Variants in SPTB observed in about 807,000 individuals in gnomAD.
SPTB encodes the protein spectrin beta, erythrocytic.
SPTB carries 45 observed loss-of-function variants against 256.2 expected under a neutral mutation model. The observed-to-expected ratio is 0.18, with a 90% confidence interval of 0.14 to 0.23. The LOEUF (loss-of-function observed/expected upper bound fraction) is 0.23. SPTB is among the 10% of genes least tolerant of loss of function. The pLI is 1.00. For missense variants in SPTB, 2,715 were observed against 3,040.4 expected (o/e 0.89, Z 2.52); for synonymous variants, 1,231 against 1,243.1 (o/e 0.99, Z 0.21).
In SPTB at chr14:64,801,415, G is replaced by A. The variant is rs767929458; in HGVS notation, c.648-15C>T. On this transcript the variant is annotated splice_polypyrimidine_tract_variant and intron_variant, in intron 6 of 35. Coordinates refer to ENST00000644917, the MANE Select transcript of SPTB (RefSeq NM_001355436.2). ...TCAGGTCGGGCCTGGGGACAAAACT[G>A]GACTGTGAAAAGGGAGTAGCCACAG... The A allele has an allele frequency of 4.4e-6, 7 of 1,600,178 alleles. No homozygotes were observed. Among genetic ancestry groups the A allele is most frequent in the South Asian group, 3.3e-5 (3 of 90,768 alleles).
Position 64,852,517 on chromosome 14 carries a change from G to A in SPTB, c.-52+27275C>T, listed in dbSNP as rs910171623. Among the ~76,000 whole-genome samples, 1 of 152,178 alleles carries A rather than the reference G, an allele frequency of 6.6e-6. No homozygotes were observed. The highest frequency in any genetic ancestry group is 1.5e-5 in the Non-Finnish European group (1 of 68,030). ...GGGGAAGGGACAAGATTACAGGCAG[G>A]GAACTGATTAGGATGTCACTGCAGT... On this transcript the variant is annotated intron_variant, in intron 1 of 35. Transcript: ENST00000644917. The surrounding 1 kb of genome is among the most constrained non-coding windows in gnomAD (Gnocchi z 4.2).
chr14:64,847,500 A>G lies in SPTB; in HGVS notation c.-51-24355T>C, dbSNP rs1168549990. Among the ~76,000 whole-genome samples the G allele has an allele frequency of 2.6e-5, 4 of 151,724 alleles. No individual in the cohort carries two copies. Among genetic ancestry groups the G allele is most frequent in the Non-Finnish European group, 4.4e-5 (3 of 67,892 alleles). ...TTATCTATCCTTCAGGTACCTTCCC[A>G]GGTTGGTGCTAGCTCCTTTCAAGCT... On this transcript the variant is annotated intron_variant, in intron 1 of 35. Coordinates refer to ENST00000644917, the MANE Select transcript of SPTB (RefSeq NM_001355436.2). The surrounding 1 kb of genome is among the most constrained non-coding windows in gnomAD (Gnocchi z 5.9).
At position 64,866,895 on chromosome 14, in the gene SPTB, A is replaced by C. The variant is rs988215305; in HGVS notation, c.-52+12897T>G. On this transcript the variant is annotated intron_variant, in intron 1 of 35. Coordinates refer to ENST00000644917, the MANE Select transcript of SPTB (RefSeq NM_001355436.2). The surrounding 1 kb of genome is among the most constrained non-coding windows in gnomAD (Gnocchi z 4.6). ...TTTTTTTTCTGAAGTGCTTTTCTTA[A>C]CTCTTTATTGTTATGAAACAAATCT... is the stretch of plus-strand genomic sequence containing the variant. Among the ~76,000 whole-genome samples the C allele has an allele frequency of 1.1e-4, 16 of 152,134 alleles. No homozygotes were observed. The highest frequency in any genetic ancestry group is 3.4e-4 in the African/African-American group (14 of 41,502).
In SPTB at chr14:64,847,391, C is replaced by T. The variant is rs77748838; in HGVS notation, c.-51-24246G>A. Among the ~76,000 whole-genome samples, 1,502 of 152,254 alleles carry T rather than the reference C, an allele frequency of 9.9e-3. 33 individuals carry two copies. The highest frequency in any genetic ancestry group is 0.035 in the African/African-American group (1,439 of 41,518). On this transcript the variant is annotated intron_variant, in intron 1 of 35. Transcript: ENST00000644917. This position sits in a 1 kb window ranked among gnomAD's most constrained non-coding sequence, Gnocchi z 5.9. ...ATCATGTCTCAGGCTAAGAGGACCC[C>T]GATGTGGGCATCTAGGGGAGAATTT... is the stretch of plus-strand genomic sequence containing the variant.
Position 64,761,394 on chromosome 14 carries a change from A to G in SPTB, c.6345+5332T>C, listed in dbSNP as rs1353767478. Among the ~76,000 whole-genome samples, 6 of 152,236 alleles carry G rather than the reference A, an allele frequency of 3.9e-5. No homozygotes were observed. In the East Asian group the frequency reaches 7.7e-4, roughly 20 times the overall value. On this transcript the variant is annotated intron_variant, in intron 32 of 35. Coordinates refer to ENST00000644917, the MANE Select transcript of SPTB (RefSeq NM_001355436.2). ...AGAAGCTGTTGCTGAACAGGGGGAA[A>G]GAGCCAGGGCGGGGAGCTGAGGCTG...
intron 2 of SPTB, among the ~76,000 whole-genome samples, chr14:64,815,900 T>G (rs1380861117): frequency 6.6e-6 from 1 of 151,920 alleles, no homozygotes; most frequent in African/African-American, 2.4e-5. Flanking sequence ...AGCAGAAGAG[T>G]GACTTGATCG....
Position 64,801,840 on chromosome 14 carries a change from TC to T in SPTB, c.567-7del. On this transcript the variant is annotated splice_polypyrimidine_tract_variant and splice_region_variant and intron_variant, in intron 5 of 35. Transcript: ENST00000644917. Reference sequence around the variant, plus strand: ...TGACATTAACATGAGGGTAGCTGCATCCAAGAGAAACAGTAAGAGCTAAGAA... The same window carrying T: ...TGACATTAACATGAGGGTAGCTGCATCAAGAGAAACAGTAAGAGCTAAGAA... 1 of 1,613,804 alleles carries T rather than the reference TC, an allele frequency of 6.2e-7. No homozygotes were observed. The highest frequency in any genetic ancestry group is 8.5e-7 in the Non-Finnish European group (1 of 1,179,728).
intron 10 of SPTB, among the ~76,000 whole-genome samples, chr14:64,797,012 T>C (rs536176482): frequency 6.6e-6 from 1 of 152,326 alleles, no homozygotes; most frequent in South Asian, 2.1e-4. Context: ...TAAGTTCTTA[T>C]TGACTAATGG....
intron 2 of SPTB, among the ~76,000 whole-genome samples, chr14:64,822,238 G>A (rs1228096114): frequency 1.4e-5 from 2 of 144,374 alleles, no homozygotes; most frequent in African/African-American, 5.5e-5. Context: ...GTTCAGGGAG[G>A]CAATAGTCAC....
rs2082047519 is a variant in SPTB at position 64,758,459 on chromosome 14, G to C, written c.6346-4666C>G. 6.6e-6 allele frequency among the ~76,000 whole-genome samples: 1 copy of C among 152,370 alleles called. No homozygotes were observed. The highest frequency in any genetic ancestry group is 1.5e-5 in the Non-Finnish European group (1 of 68,032). On this transcript the variant is annotated intron_variant, in intron 32 of 35. Transcript: ENST00000644917. The surrounding 1 kb of genome is among the most constrained non-coding windows in gnomAD (Gnocchi z 4.6). The stretch of plus-strand genomic sequence containing the variant: ...AAGTGGCCTGAGGCCCTGCCTCAAG[G>C]CTTGGAGTGGGGCACTGAGGTGGAG...
chr14:64,793,624 T>C lies in SPTB; in HGVS notation c.2039A>G (p.Lys680Arg). The C allele has an allele frequency of 4.3e-6, 7 of 1,614,180 alleles. No individual in the cohort carries two copies. The highest frequency in any genetic ancestry group is 5.1e-6 in the Non-Finnish European group (6 of 1,180,054). Residue 680 changes from lysine to arginine, a missense_variant, in exon 14 of 36, where the codon AAG becomes AGG. By Grantham distance (26) the Lys-to-Arg change is conservative. This residue lies in a region of SPTB where 2,239 missense variants were observed against 2,384.4 expected (regional missense o/e 0.94). Coordinates refer to ENST00000644917, the MANE Select transcript of SPTB (RefSeq NM_001355436.2). The surrounding 1 kb of genome is among the most constrained non-coding windows in gnomAD (Gnocchi z 7.0). ...TSVLILQRKH[K>R]AFEDELRGLD... ...CCCACGGAGCTCATCCTCAAAGGCC[T>C]TGTGCTTGCGCTGTAAGATGAGCAC...
Position 64,784,396 on chromosome 14 carries a change from G to A in SPTB, c.3856-3C>T, listed in dbSNP as rs1478620961. On this transcript the variant is annotated splice_region_variant and splice_polypyrimidine_tract_variant and intron_variant, in intron 18 of 35. Coordinates refer to ENST00000644917, the MANE Select transcript of SPTB (RefSeq NM_001355436.2). ...TTGTCGTTGATCCAGAGAGTGAGCT[G>A]TGTGCATAAAGAGTGGGCTGACTAT... The A allele has an allele frequency of 1.9e-6, 3 of 1,614,150 alleles. No individual in the cohort carries two copies. The highest frequency in any genetic ancestry group is 1.7e-6 in the Non-Finnish European group (2 of 1,180,038).
In SPTB at chr14:64,795,315, G is replaced by A. The variant is rs1195040945; in HGVS notation, c.1644+22C>T. The A allele has an allele frequency of 3.7e-6, 6 of 1,601,898 alleles. No individual in the cohort carries two copies. Among genetic ancestry groups the A allele is most frequent in the East Asian group, 4.5e-5 (2 of 44,872 alleles). Reference sequence around the variant, plus strand: ...CAAGGTGAGCACTGCAGGGCATGGCGGGGGCGGCCCCCAGGGCCCACCTTG... The same window carrying A: ...CAAGGTGAGCACTGCAGGGCATGGCAGGGGCGGCCCCCAGGGCCCACCTTG... On this transcript the variant is annotated intron_variant, in intron 12 of 35. Coordinates refer to ENST00000644917, the MANE Select transcript of SPTB (RefSeq NM_001355436.2). This position sits in a 1 kb window ranked among gnomAD's most constrained non-coding sequence, Gnocchi z 6.5.
rs1391547495 is a variant in SPTB, at chr14:64,772,557, G to T, written c.5553+23C>A. The T allele has an allele frequency of 6.2e-7, 1 of 1,601,018 alleles. No individual in the cohort carries two copies. The highest frequency in any genetic ancestry group is 1.7e-5 in the Admixed American group (1 of 59,966). On this transcript the variant is annotated intron_variant, in intron 26 of 35. Transcript: ENST00000644917. This position sits in a 1 kb window ranked among gnomAD's most constrained non-coding sequence, Gnocchi z 5.4. ...GGGCTCCTGGAAATTGGTAGCAGGTGGGCGGCAGGGGGCTGAAGGTACCTG... is the reference window on the plus strand; with the variant it reads ...GGGCTCCTGGAAATTGGTAGCAGGTTGGCGGCAGGGGGCTGAAGGTACCTG...
intron 32 of SPTB, 194 bp downstream of exon 32, chr14:64,766,532 T>A (rs372967127): frequency 2.5e-5 from 37 of 1,509,034 alleles, no homozygotes; most frequent in South Asian, 1.6e-4. Flanking sequence ...TGGAGGAGGC[T>A]AGTACTCTCA....
At position 64,801,747 on chromosome 14, in the gene SPTB, C is replaced by T; in HGVS notation, c.647+7G>A. 2 of 1,613,938 alleles carry T rather than the reference C, an allele frequency of 1.2e-6. No homozygotes were observed. Among genetic ancestry groups the T allele is most frequent in the Non-Finnish European group, 1.7e-6 (2 of 1,179,848 alleles). ...GTCAGTCCCCACGGCTGTCCCCTCC[C>T]TCTTACCGGTGCTTGTGTATCAGGG... is the stretch of plus-strand genomic sequence containing the variant. On this transcript the variant is annotated splice_region_variant and intron_variant, in intron 6 of 35. Transcript: ENST00000644917.
At position 64,795,487 on chromosome 14, in the gene SPTB, G is replaced by A; in HGVS notation, c.1494C>T (p.Arg498=). The change falls in exon 12 of 36, where the codon CGC becomes CGT. Residue 498 remains arginine, a synonymous_variant. Coordinates refer to ENST00000644917, the MANE Select transcript of SPTB (RefSeq NM_001355436.2). This position sits in a 1 kb window ranked among gnomAD's most constrained non-coding sequence, Gnocchi z 6.5. ...GTATATTGTCCTTGCGGGCCGTGAT[G>A]CGCTTCTGGTCATGGTAGTTCTCTT... is the stretch of plus-strand genomic sequence containing the variant. ...LEKENYHDQK[R]ITARKDNILR... 2 of 1,614,192 alleles carry A rather than the reference G, an allele frequency of 1.2e-6. No homozygotes were observed. Among genetic ancestry groups the A allele is most frequent in the Non-Finnish European group, 1.7e-6 (2 of 1,180,028 alleles).
Position 64,853,441 on chromosome 14 carries a change from T to A in SPTB, c.-52+26351A>T, listed in dbSNP as rs1417467321. 6.6e-6 allele frequency among the ~76,000 whole-genome samples: 1 copy of A among 151,944 alleles called. No homozygotes were observed. Among genetic ancestry groups the A allele is most frequent in the Non-Finnish European group, 1.5e-5 (1 of 68,002 alleles). On this transcript the variant is annotated intron_variant, in intron 1 of 35. Coordinates refer to ENST00000644917, the MANE Select transcript of SPTB (RefSeq NM_001355436.2). The surrounding 1 kb of genome is among the most constrained non-coding windows in gnomAD (Gnocchi z 4.3). ...TATCAGGAAGCCTCAGGGGAGGAAA[T>A]TTCCAGAAGCAAGGAGCAAACAACA... is the stretch of plus-strand genomic sequence containing the variant.
intron 1 of SPTB, among the ~76,000 whole-genome samples, chr14:64,840,245 T>C (rs946043013): frequency 1.3e-5 from 2 of 152,248 alleles, no homozygotes; most frequent in African/African-American, 2.4e-5. Flanking sequence ...CAATGGTCCA[T>C]TTCCACCTTA....
Sources: gnomAD v4.1 joint callset for allele counts (sites outside exome capture counted in the v4.1 genomes callset) on GRCh38, gnomAD v4.1.1 for gene constraint, gnomAD v4.1.1 regional missense constraint, Gnocchi (gnomAD v3.1) non-coding constraint, MANE v1.5 for transcripts, NCBI Gene and HGNC (gene_info 2026-07-23, HGNC 2026-07-21) for gene names.